The following IL26 variants were observed in gnomAD, a reference collection of about 807,000 sequenced individuals.
IL26 encodes interleukin-26.
In IL26, 23 loss-of-function variants were observed where a neutral mutation model predicts 21.7. The ratio of observed to expected loss-of-function variants is 1.06; its 90% CI spans 0.76 to 1.50. IL26 has a LOEUF of 1.50. Among genes scored for constraint, IL26 ranks in the 40% most tolerant of loss-of-function variants. The pLI, the probability that IL26 is intolerant of heterozygous loss-of-function variation, is 0.00. For missense variants in IL26, 204 were observed against 196.0 expected (o/e 1.04, Z -0.24); for synonymous variants, 63 against 67.8 (o/e 0.93, Z 0.34).
At chr12:68,210,921 A>T (rs1868710231) in intron 3 of IL26, among the ~76,000 whole-genome samples, 2 of 152,262 alleles carry the variant, frequency 1.3e-5, no homozygotes, top group Non-Finnish European at 2.9e-5. Context: ...CGAACTCAGC[A>T]ATAGAGCTGC....
intron 3 of IL26, among the ~76,000 whole-genome samples, chr12:68,215,502 A>T (rs541653553): frequency 2.0e-5 from 3 of 152,150 alleles, no homozygotes; most frequent in Non-Finnish European, 4.4e-5. Flanking sequence ...GATGCAGAAG[A>T]AGGGATAGTG....
chr12:68,205,831 A>G (rs966260798), intron 3 of IL26, among the ~76,000 whole-genome samples: 1 of 152,058 alleles, frequency 6.6e-6, no homozygotes, highest in African/African-American at 2.4e-5. Flanking sequence ...AGTTAAAACC[A>G]CTCTTGAATA....
At chr12:68,222,788 A>G (rs560558097) in intron 3 of IL26, among the ~76,000 whole-genome samples, 3 of 152,280 alleles carry the variant, frequency 2.0e-5, no homozygotes, top group Non-Finnish European at 2.9e-5. Flanking sequence ...TTTTCCCACA[A>G]CAACCTCAAT....
intron 3 of IL26, among the ~76,000 whole-genome samples, chr12:68,223,884 GTT>G (rs376115904): frequency 3.0e-5 from 4 of 132,272 alleles, no homozygotes; most frequent in East Asian, 4.5e-4. Flanking sequence ...AAATTTGGTG[GTT>G]TTTTTTTTTT....
intron 3 of IL26, among the ~76,000 whole-genome samples, chr12:68,210,635 A>G (rs1868698284): frequency 1.3e-5 from 2 of 152,166 alleles, no homozygotes; most frequent in African/African-American, 4.8e-5. Flanking sequence ...TATTGAACAG[A>G]AAAGTTTACA....
At chr12:68,205,790 C>T (rs903821312) in intron 3 of IL26, among the ~76,000 whole-genome samples, 7 of 152,182 alleles carry the variant, frequency 4.6e-5, no homozygotes, top group Non-Finnish European at 7.3e-5. Flanking sequence ...TTTCAGTCCT[C>T]GTATCATAGA....
intron 3 of IL26, among the ~76,000 whole-genome samples, chr12:68,220,532 T>C (rs1869016169): frequency 6.6e-6 from 1 of 152,242 alleles, no homozygotes; most frequent in African/African-American, 2.4e-5. Flanking sequence ...AATTTTTTCA[T>C]GACCTTTGTG....
At chr12:68,211,803 A>G (rs1868738302) in intron 3 of IL26, among the ~76,000 whole-genome samples, 1 of 152,074 alleles carries the variant, frequency 6.6e-6, no homozygotes, top group Non-Finnish European at 1.5e-5. Context: ...ATAGTTGCAA[A>G]TATTTTTTCC....
intron 3 of IL26, among the ~76,000 whole-genome samples, chr12:68,206,573 T>C (rs1868549565): frequency 6.6e-6 from 1 of 152,224 alleles, no homozygotes; most frequent in Non-Finnish European, 1.5e-5. Context: ...ATGGAAAGAC[T>C]GGCAGCTGGT....
chr12:68,206,796 G>A (rs1166998480), intron 3 of IL26, among the ~76,000 whole-genome samples: 1 of 152,194 alleles, frequency 6.6e-6, no homozygotes, highest in African/African-American at 2.4e-5. Context: ...TGTTCAGGCA[G>A]ATACCCTTCC....
chr12:68,224,374 T>G (rs1300739329), intron 3 of IL26, among the ~76,000 whole-genome samples: 1 of 152,106 alleles, frequency 6.6e-6, no homozygotes, highest in Non-Finnish European at 1.5e-5. Context: ...TTCATAGAAA[T>G]GTGATCACTT....
intron 3 of IL26, among the ~76,000 whole-genome samples, chr12:68,224,475 C>T (rs1246591408): frequency 6.6e-6 from 1 of 151,746 alleles, no homozygotes; most frequent in Admixed American, 6.6e-5. Context: ...GCATGTCTAT[C>T]CCTTTTTAAG....
intron 3 of IL26, among the ~76,000 whole-genome samples, chr12:68,224,657 AGAAAG>A (rs1366127953): frequency 6.9e-6 from 1 of 144,846 alleles, no homozygotes; most frequent in African/African-American, 2.5e-5. Context: ...AGGAAAAGAA[AGAAAG>A]AGAGAGGGAG....
At chr12:68,214,113 A>G (rs538861144) in intron 3 of IL26, among the ~76,000 whole-genome samples, 16 of 152,218 alleles carry the variant, frequency 1.1e-4, no homozygotes, top group Non-Finnish European at 2.4e-4. Context: ...TTACTGACTC[A>G]TCGATTGCTC....
intron 3 of IL26, among the ~76,000 whole-genome samples, chr12:68,212,087 T>C (rs1868749054): frequency 6.6e-6 from 1 of 152,212 alleles, no homozygotes; most frequent in African/African-American, 2.4e-5. Context: ...GTTTCATTTT[T>C]CTGCATATGG....
At chr12:68,205,387 T>C (rs922361525) in intron 3 of IL26, among the ~76,000 whole-genome samples, 1 of 147,408 alleles carries the variant, frequency 6.8e-6, no homozygotes, top group African/African-American at 2.5e-5. Context: ...ATTGATAACA[T>C]GATTAATCAA....
intron 3 of IL26, among the ~76,000 whole-genome samples, chr12:68,205,722 T>A (rs569515095): frequency 3.9e-5 from 6 of 152,352 alleles, no homozygotes; most frequent in South Asian, 2.1e-4. Flanking sequence ...CTGACTTTTT[T>A]AATTTCTCTA....
chr12:68,214,958 T>C (rs1475072920), intron 3 of IL26, among the ~76,000 whole-genome samples: 1 of 152,138 alleles, frequency 6.6e-6, no homozygotes, highest in African/African-American at 2.4e-5. Flanking sequence ...GGTTATTTTC[T>C]TTGGCAGTAT....
intron 3 of IL26, among the ~76,000 whole-genome samples, chr12:68,216,589 T>C (rs772204894): frequency 6.6e-6 from 1 of 152,212 alleles, no homozygotes; most frequent in Admixed American, 6.5e-5. Flanking sequence ...TAAGACAGGA[T>C]TGGTCTCACT....
Sources: gnomAD v4.1 joint callset for allele counts (sites outside exome capture counted in the v4.1 genomes callset) on GRCh38, gnomAD v4.1.1 for gene constraint, MANE v1.5 for transcripts, NCBI Gene and HGNC (gene_info 2026-07-23, HGNC 2026-07-21) for gene names.